Variants in TNKS observed in about 807,000 individuals in gnomAD.
TNKS encodes tankyrase.
In TNKS, 72 loss-of-function variants were observed where a neutral mutation model predicts 135.8. The observed-to-expected ratio is 0.53, with a 90% CI of 0.44 to 0.64. TNKS has a LOEUF of 0.64. TNKS is among the 30% of genes least tolerant of loss of function. TNKS has a pLI of 0.00. For missense variants in TNKS, 1,769 were observed against 1,674.0 expected (o/e 1.06, Z -0.99); for synonymous variants, 849 against 649.3 (o/e 1.31, Z -4.68).
chr8:9,676,437 C>G (rs1031468594), intron 3 of TNKS, among the ~76,000 whole-genome samples: 1 of 152,144 alleles, frequency 6.6e-6, no homozygotes. Flanking sequence ...CTACCTTCAT[C>G]CTGTCAGTTT....
intron 4 of TNKS, 137 bp from the exon 5 acceptor site, chr8:9,680,588 G>C: frequency 3.4e-6 from 2 of 587,782 alleles, no homozygotes; most frequent in Non-Finnish European, 6.1e-6. Context: ...ATTGAATATT[G>C]CAAAAGAGAT....
chr8:9,581,820 GCCT>G (rs1214541268), intron 2 of TNKS, among the ~76,000 whole-genome samples: 1 of 151,672 alleles, frequency 6.6e-6, no homozygotes, highest in Non-Finnish European at 1.5e-5. Flanking sequence ...AGTATTTCTC[GCCT>G]CCTCCTCTTA....
At chr8:9,600,653 T>C (rs999534120) in intron 2 of TNKS, among the ~76,000 whole-genome samples, 1 of 152,132 alleles carries the variant, frequency 6.6e-6, no homozygotes, top group African/African-American at 2.4e-5. Context: ...TTTTATTTTT[T>C]CCCACTGACG....
intron 2 of TNKS, among the ~76,000 whole-genome samples, chr8:9,611,904 A>C (rs1799478171): frequency 6.6e-6 from 1 of 152,202 alleles, no homozygotes; most frequent in African/African-American, 2.4e-5. Context: ...AGATAAATGA[A>C]AACCTTTCTG....
chr8:9,767,081 C>CA, intron 25 of TNKS, among the ~76,000 whole-genome samples: 1 of 152,174 alleles, frequency 6.6e-6, no homozygotes, highest in Non-Finnish European at 1.5e-5. Flanking sequence ...TAGCTCTAGT[C>CA]ACATTTGAAT....
chr8:9,645,314 C>A (rs1174584223), intron 3 of TNKS, among the ~76,000 whole-genome samples: 2 of 152,074 alleles, frequency 1.3e-5, no homozygotes, highest in Non-Finnish European at 2.9e-5. Flanking sequence ...CCCATTCATA[C>A]TGGAATGGTG....
rs376710941 is a variant in TNKS at position 9,572,239 on chromosome 8, A to C, written c.674-7920A>C. ...TGGAAATAAAGTTAGCTATATATGA[A>C]ATTAAGTATGAAAGTGTCTTTTCTC... On this transcript the variant is annotated intron_variant, in intron 1 of 26. Coordinates refer to ENST00000310430, the MANE Select transcript of TNKS (RefSeq NM_003747.3). 2.9e-4 allele frequency among the ~76,000 whole-genome samples: 44 copies of C among 152,334 alleles called. 1 individual carries two copies. The highest frequency in any genetic ancestry group is 1.1e-3 in the African/African-American group (44 of 41,578).
At chr8:9,673,904 A>G (rs1585312053) in intron 3 of TNKS, among the ~76,000 whole-genome samples, 2 of 152,290 alleles carry the variant, frequency 1.3e-5, no homozygotes, top group African/African-American at 4.8e-5. Context: ...AAGTCTATAA[A>G]GATTAGAATT....
intron 1 of TNKS, among the ~76,000 whole-genome samples, chr8:9,573,496 A>G (rs1797836180): frequency 1.3e-5 from 2 of 152,324 alleles, no homozygotes; most frequent in South Asian, 2.1e-4. Context: ...AGTTAGATGT[A>G]TGTATGAAGA....
intron 3 of TNKS, among the ~76,000 whole-genome samples, chr8:9,655,183 C>G (rs180956323): frequency 8.5e-5 from 13 of 152,254 alleles, no homozygotes; most frequent in Admixed American, 4.6e-4. Flanking sequence ...AAGGCAGCAG[C>G]GAGGCTGGGG....
At chr8:9,626,504 A>G (rs529808886) in intron 3 of TNKS, among the ~76,000 whole-genome samples, 3 of 152,320 alleles carry the variant, frequency 2.0e-5, no homozygotes, top group South Asian at 4.1e-4. Flanking sequence ...TACAGTATCT[A>G]TTGGTTGTCT....
intron 3 of TNKS, 91 bp downstream of exon 3, chr8:9,615,768 C>T: frequency 1.0e-6 from 1 of 995,222 alleles, no homozygotes; most frequent in African/African-American, 1.6e-5. Context: ...TTTCTTTTCA[C>T]TGATGAAGCT....
Position 9,717,103 on chromosome 8 carries a change from T to TATATATATATATATATATATA in TNKS, c.1750-3271_1750-3270insATATATATATATATATATATA, listed in dbSNP as rs1554476739. The stretch of plus-strand genomic sequence containing the variant: ...TATATATATATATATATATATATAT[T>TATATATATATATATATATATA]TTCAGGGAATTTGATTGTTTCTTTT... On this transcript the variant is annotated intron_variant, in intron 11 of 26. Transcript: ENST00000310430. 2.6e-3 allele frequency among the ~76,000 whole-genome samples: 103 copies of TATATATATATATATATATATA among 39,226 alleles called. 5 individuals carry two copies. Among genetic ancestry groups the TATATATATATATATATATATA allele is most frequent in the East Asian group, 6.6e-3 (9 of 1,364 alleles). 25.7% of individuals were successfully genotyped at this position (39,226 alleles called of 152,430 possible). A position where few individuals can be genotyped will look rare whatever the true frequency, so the allele number is the denominator to read the frequency against.
Position 9,731,611 on chromosome 8 carries a change from T to C in TNKS, c.2147+576T>C, listed in dbSNP as rs962182190. 2.0e-5 allele frequency among the ~76,000 whole-genome samples: 3 copies of C among 152,260 alleles called. No individual in the cohort carries two copies. The East Asian group carries it at 5.8e-4, about 29-fold the overall frequency. ...AATGCATAGACTTGTGTGTGTGCTG[T>C]GGCGATGGTGGTGGTGGTGATTTTT... On this transcript the variant is annotated intron_variant, in intron 14 of 26. Coordinates refer to ENST00000310430, the MANE Select transcript of TNKS (RefSeq NM_003747.3).
intron 3 of TNKS, among the ~76,000 whole-genome samples, chr8:9,662,636 C>T (rs1418217812): frequency 6.6e-6 from 1 of 152,008 alleles, no homozygotes; most frequent in Non-Finnish European, 1.5e-5. Flanking sequence ...AGGAGATACA[C>T]CTAATGCTAA....
chr8:9,751,034 G>C (rs1359427643), intron 18 of TNKS, among the ~76,000 whole-genome samples: 2 of 151,648 alleles, frequency 1.3e-5, no homozygotes, highest in Admixed American at 6.6e-5. Context: ...TATTGGTCAA[G>C]ACAACTCACA....
intron 3 of TNKS, among the ~76,000 whole-genome samples, chr8:9,618,494 G>T (rs1361538675): frequency 6.6e-6 from 1 of 152,104 alleles, no homozygotes; most frequent in South Asian, 2.1e-4. Flanking sequence ...AATCTTGAGG[G>T]CTTTCTTTTG....
At chr8:9,580,429 C>G (rs1798123329) in intron 2 of TNKS, 46 bp downstream of exon 2, 1 of 1,563,628 alleles carries the variant, frequency 6.4e-7, no homozygotes, top group Non-Finnish European at 8.7e-7. Flanking sequence ...AAGGTTTATT[C>G]TTACTTTTTT....
chr8:9,756,842 G>A (rs866901152), intron 20 of TNKS, among the ~76,000 whole-genome samples: 4 of 152,152 alleles, frequency 2.6e-5, no homozygotes, highest in African/African-American at 4.8e-5. Context: ...CTTATTCCCA[G>A]TTGCCTTCCC....
Sources: allele counts gnomAD v4.1 joint callset (sites outside exome capture counted in the v4.1 genomes callset), GRCh38; gene constraint gnomAD v4.1.1; transcripts MANE v1.5; gene names NCBI Gene and HGNC (gene_info 2026-07-23, HGNC 2026-07-21).